The following NEK7 variants were observed in gnomAD, a reference collection of about 807,000 sequenced individuals.
NEK7 encodes the protein serine/threonine-protein kinase Nek7.
Under a neutral mutation model 44.6 loss-of-function variants are expected in NEK7, and 18 were observed. The ratio of observed to expected loss-of-function variants is 0.40; its 90% CI spans 0.28 to 0.60. The LOEUF (loss-of-function observed/expected upper bound fraction) is 0.60. Ranked by LOEUF, NEK7 falls within the 20% of genes least tolerant of loss-of-function variation. NEK7 has a pLI of 0.38. For missense variants in NEK7, 256 were observed against 366.5 expected (o/e 0.70, Z 2.46); for synonymous variants, 130 against 121.1 (o/e 1.07, Z -0.48).
chr1:198,264,965 GGCTATGTAAATGTATCT>G (rs1653601185), intron 5 of NEK7, among the ~76,000 whole-genome samples: 1 of 151,940 alleles, frequency 6.6e-6, no homozygotes, highest in African/African-American at 2.4e-5. Context: ...CACATTGTAA[GGCTATGTAAATGTATCT>G]GCTGCTGCTA....
At chr1:198,203,897 A>AT (rs1665511013) in intron 1 of NEK7, among the ~76,000 whole-genome samples, 1 of 151,202 alleles carries the variant, frequency 6.6e-6, no homozygotes, top group South Asian at 2.1e-4. Flanking sequence ...TTTGTAAAAT[A>AT]TTTTTTCATA....
intron 9 of NEK7, among the ~76,000 whole-genome samples, chr1:198,302,405 C>G (rs1273419330): frequency 7.3e-6 from 1 of 137,036 alleles, no homozygotes; most frequent in Non-Finnish European, 1.6e-5. Flanking sequence ...GGGGAGGGTT[C>G]TTTCTGGCTT....
At chr1:198,231,866 C>T (rs1666407005) in intron 1 of NEK7, among the ~76,000 whole-genome samples, 1 of 151,946 alleles carries the variant, frequency 6.6e-6, no homozygotes, top group Non-Finnish European at 1.5e-5. Context: ...AGATTTTGGT[C>T]ATAAAATAAT....
intron 1 of NEK7, among the ~76,000 whole-genome samples, chr1:198,176,162 G>C (rs1413225246): frequency 6.6e-6 from 1 of 152,068 alleles, no homozygotes; most frequent in Admixed American, 6.6e-5. Context: ...AATATTTATT[G>C]GATCTTCATG....
chr1:198,310,702 C>G (rs547749455), intron 9 of NEK7, among the ~76,000 whole-genome samples: 8 of 152,208 alleles, frequency 5.3e-5, no homozygotes, highest in South Asian at 2.1e-4. Context: ...AATAGGGAAT[C>G]CTTTCCCCAT....
intron 1 of NEK7, among the ~76,000 whole-genome samples, chr1:198,202,946 C>T (rs1665478732): frequency 6.6e-6 from 1 of 152,106 alleles, no homozygotes; most frequent in South Asian, 2.1e-4. Context: ...AAAATGGAAA[C>T]AATAATACAT....
At chr1:198,281,207 G>C (rs1198094731) in intron 7 of NEK7, among the ~76,000 whole-genome samples, 1 of 151,936 alleles carries the variant, frequency 6.6e-6, no homozygotes, top group African/African-American at 2.4e-5. Context: ...AGACATTCTT[G>C]ATGACAAATT....
At chr1:198,273,037 C>T (rs749251702) in intron 5 of NEK7, among the ~76,000 whole-genome samples, 11 of 151,734 alleles carry the variant, frequency 7.2e-5, no homozygotes, top group South Asian at 6.2e-4. Context: ...TAATAACTTG[C>T]ACCATTTTAA....
intron 2 of NEK7, among the ~76,000 whole-genome samples, chr1:198,251,863 T>G (rs1438357309): frequency 6.6e-6 from 1 of 152,170 alleles, no homozygotes; most frequent in Non-Finnish European, 1.5e-5. Flanking sequence ...GGTTTTTGTG[T>G]CTCTATTTCC....
At chr1:198,306,026 C>T (rs976240075) in intron 9 of NEK7, among the ~76,000 whole-genome samples, 6 of 152,124 alleles carry the variant, frequency 3.9e-5, no homozygotes, top group African/African-American at 9.7e-5. Context: ...TAGACTGCTT[C>T]GGTTCAAATC....
chr1:198,202,229 C>T (rs1317720974), intron 1 of NEK7, among the ~76,000 whole-genome samples: 1 of 151,944 alleles, frequency 6.6e-6, no homozygotes, highest in Non-Finnish European at 1.5e-5. Flanking sequence ...ATTAATGTTT[C>T]AGTGCCGTTG....
In NEK7 at chr1:198,252,528, C is replaced by CTATATATATA. The variant is rs1162099133; in HGVS notation, c.58-481_58-472dup. On this transcript the variant is annotated intron_variant, in intron 2 of 9. Transcript: ENST00000367385. Reference sequence around the variant, plus strand: ...TTTTTAGGCTTTCCTATCTCACATACTATATATATATATATATATATATAT... The same window carrying CTATATATATA: ...TTTTTAGGCTTTCCTATCTCACATACTATATATATATATATATATATATATATATATATAT... Among the ~76,000 whole-genome samples the CTATATATATA allele has an allele frequency of 7.9e-3, 258 of 32,458 alleles. 5 individuals carry two copies. The highest frequency in any genetic ancestry group is 0.01 in the Non-Finnish European group (201 of 19,410). 21.3% of individuals were successfully genotyped at this position (32,458 alleles called of 152,430 possible).
intron 7 of NEK7, among the ~76,000 whole-genome samples, chr1:198,281,310 T>G (rs1654190300): frequency 6.6e-6 from 1 of 152,104 alleles, no homozygotes; most frequent in Non-Finnish European, 1.5e-5. Flanking sequence ...GAGTTGGCAC[T>G]GAAAAGTAAT....
chr1:198,226,508 G>A (rs1431094086), intron 1 of NEK7, among the ~76,000 whole-genome samples: 14 of 151,236 alleles, frequency 9.3e-5, no homozygotes, highest in Admixed American at 9.2e-4. Context: ...TCACACCGCT[G>A]CATTCCAGCC....
intron 5 of NEK7, 152 bp from the exon 6 acceptor site, chr1:198,277,809 A>C (rs4915274): frequency 0.46 from 257,442 of 561,410 alleles, 69,708 homozygotes; most frequent in East Asian, 0.9. Flanking sequence ...AGATAAAATT[A>C]TTGGAATAAT....
chr1:198,204,695 G>C (rs1028797212), intron 1 of NEK7, among the ~76,000 whole-genome samples: 11 of 145,828 alleles, frequency 7.5e-5, no homozygotes, highest in Non-Finnish European at 1.3e-4. Context: ...ACTCCAGCCT[G>C]GGCGACAGCG....
chr1:198,264,041 A>C, intron 4 of NEK7, 84 bp from the exon 5 acceptor site: 1 of 1,365,992 alleles, frequency 7.3e-7, no homozygotes, highest in Non-Finnish European at 9.7e-7. Flanking sequence ...AATACGGTGA[A>C]GTTTGTTCTT....
At chr1:198,253,270 A>G in intron 3 of NEK7, 90 bp downstream of exon 3, 1 of 834,482 alleles carries the variant, frequency 1.2e-6, no homozygotes, top group Non-Finnish European at 1.8e-6. Flanking sequence ...TTGGGTACTG[A>G]TAGCCTTAAG....
intron 9 of NEK7, among the ~76,000 whole-genome samples, chr1:198,313,998 A>C (rs1425300722): frequency 2.0e-5 from 3 of 151,192 alleles, no homozygotes; most frequent in Non-Finnish European, 2.9e-5. Flanking sequence ...AGATTGGGGA[A>C]GTTCTCCCGG....
Sources: allele counts gnomAD v4.1 joint callset (sites outside exome capture counted in the v4.1 genomes callset), GRCh38; gene constraint gnomAD v4.1.1; transcripts MANE v1.5; gene names NCBI Gene and HGNC (gene_info 2026-07-23, HGNC 2026-07-21).